The following NCK2 variants were observed in gnomAD, a reference collection of about 807,000 sequenced individuals.
NCK2 encodes the protein NCK adaptor protein 2, also known as cytoplasmic protein NCK2.
NCK2 carries 16 observed loss-of-function variants against 33.9 expected under a neutral mutation model. That is an observed-to-expected ratio of 0.47 (90% CI 0.32 to 0.72). NCK2 has a LOEUF of 0.72. NCK2 is among the 30% of genes least tolerant of loss of function. The pLI is 0.03. For missense variants in NCK2, 418 were observed against 537.3 expected, an observed-to-expected ratio of 0.78 and a Z score of 2.19; for synonymous variants, 273 against 239.9, an observed-to-expected ratio of 1.14 and a Z score of -1.27.
At chr2:105,754,001 C>A (rs1689532571) in intron 1 of NCK2, among the ~76,000 whole-genome samples, 1 of 152,176 alleles carries the variant, frequency 6.6e-6, no homozygotes. Context: ...CTCGAACCTA[C>A]CCTTTTGTGT....
At chr2:105,786,081 A>C (rs1440864225) in intron 1 of NCK2, among the ~76,000 whole-genome samples, 1 of 152,148 alleles carries the variant, frequency 6.6e-6, no homozygotes, top group Non-Finnish European at 1.5e-5. Flanking sequence ...CTTCCACTGC[A>C]CATCTCTCTA....
intron 1 of NCK2, among the ~76,000 whole-genome samples, chr2:105,804,084 T>C (rs1049086160): frequency 6.6e-6 from 1 of 152,148 alleles, no homozygotes; most frequent in Non-Finnish European, 1.5e-5. Context: ...CGGGGCAAAT[T>C]ATATACATAG....
At chr2:105,869,206 T>G (rs371468157) in intron 3 of NCK2, among the ~76,000 whole-genome samples, 1 of 152,102 alleles carries the variant, frequency 6.6e-6, no homozygotes, top group Non-Finnish European at 1.5e-5. Flanking sequence ...TGGAGCTTTT[T>G]AGGGAGGATA....
intron 2 of NCK2, among the ~76,000 whole-genome samples, chr2:105,827,663 T>C (rs978620410): frequency 6.6e-6 from 1 of 152,232 alleles, no homozygotes; most frequent in African/African-American, 2.4e-5. Flanking sequence ...GTGTCTTCTA[T>C]CTTTTAATAG....
At chr2:105,800,144 C>T (rs1454575196) in intron 1 of NCK2, among the ~76,000 whole-genome samples, 1 of 152,180 alleles carries the variant, frequency 6.6e-6, no homozygotes, top group African/African-American at 2.4e-5. Context: ...AGCCATGTAG[C>T]CTGGCTGCAC....
rs1312487716 is a variant in NCK2, at chr2:105,893,134, C to A, written c.1101C>A (p.Ser367Arg). 6.2e-7 allele frequency: 1 copy of A among 1,611,610 alleles called. No individual in the cohort carries two copies. Among genetic ancestry groups the A allele is most frequent in the Admixed American group, 1.7e-5 (1 of 59,716 alleles). Residue 367 changes from serine to arginine, a missense_variant, in exon 5 of 5, where the codon AGC (serine) becomes AGA (arginine). Transcript: ENST00000233154. The part of the protein sequence containing the change: ...EHYKKAPIFT[S>R]EHGEKLYLVR... Reference sequence around the variant, plus strand: ...ACAAAAAGGCGCCCATCTTCACCAGCGAGCACGGGGAGAAGCTCTACCTCG... The same window carrying A: ...ACAAAAAGGCGCCCATCTTCACCAGAGAGCACGGGGAGAAGCTCTACCTCG...
At chr2:105,856,760 T>C (rs1321089054) in intron 3 of NCK2, 2 of 152,208 alleles carry the variant, frequency 1.3e-5, no homozygotes, top group Non-Finnish European at 2.9e-5. Context: ...ATGGAGAAAT[T>C]TCATTTTTGA....
At chr2:105,793,657 TTGTG>T (rs1171700712) in intron 1 of NCK2, among the ~76,000 whole-genome samples, 2 of 152,254 alleles carry the variant, frequency 1.3e-5, no homozygotes, top group African/African-American at 4.8e-5. Context: ...TTAAGATACT[TTGTG>T]TGTATTTTTA....
chr2:105,765,101 A>G (rs530510389), intron 1 of NCK2, among the ~76,000 whole-genome samples: 1 of 151,982 alleles, frequency 6.6e-6, no homozygotes, highest in African/African-American at 2.4e-5. Flanking sequence ...CTCTTGATGC[A>G]TCTTGCCATA....
At chr2:105,753,788 A>G (rs2104335373) in intron 1 of NCK2, among the ~76,000 whole-genome samples, 1 of 152,346 alleles carries the variant, frequency 6.6e-6, no homozygotes, top group Middle Eastern at 3.4e-3. Flanking sequence ...TTGTAGCAGG[A>G]CATACCAAAT....
chr2:105,854,703 G>T lies in NCK2; in HGVS notation c.-16-345G>T, dbSNP rs74992515. Reference sequence around the variant, plus strand: ...CACAGCATATCCTGAGAAAATGAGTGTCAACCTAACAGTTATCAGGAGGCA... The same window carrying T: ...CACAGCATATCCTGAGAAAATGAGTTTCAACCTAACAGTTATCAGGAGGCA... On this transcript the variant is annotated intron_variant, in intron 2 of 4. Coordinates refer to ENST00000233154, the MANE Select transcript of NCK2 (RefSeq NM_003581.5). 2.0e-3 allele frequency: 397 copies of T among 196,402 alleles called. 9 individuals carry two copies. In the East Asian group the frequency reaches 0.045, roughly 22 times the overall value. The allele number at this position is 196,402 out of a possible 1,614,324, so 12.2% of individuals were successfully genotyped here.
At chr2:105,799,303 A>G (rs1691187014) in intron 1 of NCK2, among the ~76,000 whole-genome samples, 1 of 151,980 alleles carries the variant, frequency 6.6e-6, no homozygotes, top group Non-Finnish European at 1.5e-5. Flanking sequence ...AGGGTTATAA[A>G]GGGTGTTTTC....
chr2:105,745,830 T>G lies in NCK2; in HGVS notation c.-201+692T>G, dbSNP rs143469394. 7 of 152,300 alleles carry G rather than the reference T, an allele frequency of 4.6e-5. No individual in the cohort carries two copies. The East Asian group carries it at 1.4e-3, about 29-fold the overall frequency. 9.4% of individuals were successfully genotyped at this position (152,300 alleles called of 1,614,324 possible). A position where few individuals can be genotyped will look rare whatever the true frequency, so the allele number is the denominator to read the frequency against. On this transcript the variant is annotated intron_variant, in intron 1 of 4. Transcript: ENST00000233154. ...CCAAAGTTTCTCACAATCGCTCGGC[T>G]CTCTCGGTTTTTTTCAGGGCGATTT... is the stretch of plus-strand genomic sequence containing the variant.
chr2:105,870,837 C>A (rs1347304277), intron 3 of NCK2, among the ~76,000 whole-genome samples: 1 of 152,078 alleles, frequency 6.6e-6, no homozygotes, highest in African/African-American at 2.4e-5. Context: ...AAATAATGTA[C>A]CACAGAGCCA....
chr2:105,875,821 A>C (rs1253579473), intron 3 of NCK2, among the ~76,000 whole-genome samples: 1 of 152,224 alleles, frequency 6.6e-6, no homozygotes, highest in Admixed American at 6.5e-5. Flanking sequence ...ACCAATTAAG[A>C]TACCATCAGA....
intron 1 of NCK2, among the ~76,000 whole-genome samples, chr2:105,766,125 C>T (rs1357734711): frequency 6.6e-6 from 1 of 151,900 alleles, no homozygotes; most frequent in Non-Finnish European, 1.5e-5. Flanking sequence ...TTAAAGGAAA[C>T]AAAAGAATGA....
At chr2:105,775,452 T>G (rs1197080592) in intron 1 of NCK2, among the ~76,000 whole-genome samples, 1 of 152,254 alleles carries the variant, frequency 6.6e-6, no homozygotes, top group Non-Finnish European at 1.5e-5. Context: ...AACTTCAGAT[T>G]GATCTTGTTT....
intron 1 of NCK2, among the ~76,000 whole-genome samples, chr2:105,802,298 ATGG>A (rs1284635605): frequency 6.6e-6 from 1 of 152,220 alleles, no homozygotes; most frequent in Non-Finnish European, 1.5e-5. Context: ...CTGTGCAGGG[ATGG>A]TGCTGTCTGC....
intron 1 of NCK2, among the ~76,000 whole-genome samples, chr2:105,806,238 C>CTTTTTTTTTTT: frequency 7.4e-6 from 1 of 135,970 alleles, no homozygotes; most frequent in African/African-American, 2.9e-5. Context: ...CATTTTCTTT[C>CTTTTTTTTTTT]TTTTTTTTTT....
Sources: gnomAD v4.1 joint callset for allele counts (sites outside exome capture counted in the v4.1 genomes callset) on GRCh38, gnomAD v4.1.1 for gene constraint, MANE v1.5 for transcripts, NCBI Gene and HGNC (gene_info 2026-07-23, HGNC 2026-07-21) for gene names.